Variants in CFAP97 observed in about 807,000 individuals in gnomAD.
CFAP97 encodes the protein cilia- and flagella-associated protein 97.
In CFAP97, 36 loss-of-function variants were observed where a neutral mutation model predicts 43.1. The observed-to-expected ratio is 0.84, with a 90% confidence interval of 0.64 to 1.10. CFAP97 has a LOEUF of 1.10. CFAP97 is among the 50% of genes least tolerant of loss of function. The pLI, the probability that CFAP97 is intolerant of heterozygous loss-of-function variation, is 0.00. For missense variants in CFAP97, 657 were observed against 620.3 expected (o/e 1.06, Z -0.63); for synonymous variants, 228 against 225.7 (o/e 1.01, Z -0.09).
At chr4:185,195,403 T>C (rs1736493041) in intron 1 of CFAP97, among the ~76,000 whole-genome samples, 1 of 152,096 alleles carries the variant, frequency 6.6e-6, no homozygotes, top group African/African-American at 2.4e-5. Context: ...GGATCACCTG[T>C]GCACAGGAGG....
chr4:185,189,102 T>G (rs1736123870), intron 2 of CFAP97, among the ~76,000 whole-genome samples: 1 of 152,042 alleles, frequency 6.6e-6, no homozygotes, highest in Admixed American at 6.6e-5. Flanking sequence ...CCAGGTGTGG[T>G]GGGGCATGAC....
In CFAP97 at chr4:185,191,820, C is replaced by T. The variant is rs754494069; in HGVS notation, c.-16-608G>A. On this transcript the variant is annotated intron_variant, in intron 1 of 4. Coordinates refer to ENST00000458385, the MANE Select transcript of CFAP97 (RefSeq NM_020827.3). The stretch of plus-strand genomic sequence containing the variant: ...ACTCCAGCCTGGCGACAGAGCAAGA[C>T]TCCATCTCAACAACAACAAACAAAA... Among the ~76,000 whole-genome samples, 16 of 152,038 alleles carry T rather than the reference C, an allele frequency of 1.1e-4. No individual in the cohort carries two copies. In the Middle Eastern group the frequency reaches 0.01, roughly 97 times the overall value.
At chr4:185,168,559 C>T (rs902080487) in intron 3 of CFAP97, among the ~76,000 whole-genome samples, 5 of 150,968 alleles carry the variant, frequency 3.3e-5, no homozygotes, top group African/African-American at 1.2e-4. Context: ...TGCTGCATCA[C>T]TGCACTCCAG....
chr4:185,184,372 C>T (rs1735923436), intron 2 of CFAP97, among the ~76,000 whole-genome samples: 1 of 152,206 alleles, frequency 6.6e-6, no homozygotes, highest in Non-Finnish European at 1.5e-5. Flanking sequence ...TCCCATTTCC[C>T]CTACCAACGA....
chr4:185,180,442 G>A (rs549356406), intron 2 of CFAP97, among the ~76,000 whole-genome samples: 13 of 151,994 alleles, frequency 8.6e-5, no homozygotes, highest in South Asian at 2.1e-4. Flanking sequence ...CCTTCCCTTC[G>A]CCTCTGGAAG....
intron 2 of CFAP97, among the ~76,000 whole-genome samples, chr4:185,177,862 A>T (rs1321298181): frequency 4.6e-5 from 7 of 152,106 alleles, no homozygotes; most frequent in Non-Finnish European, 7.4e-5. Context: ...AAATAAATAA[A>T]AAATAAATAA....
At chr4:185,197,872 C>T (rs1364436895) in intron 1 of CFAP97, among the ~76,000 whole-genome samples, 2 of 152,126 alleles carry the variant, frequency 1.3e-5, no homozygotes, top group East Asian at 1.9e-4. Context: ...CCTCTTGCAC[C>T]AGTTAGCCAA....
At chr4:185,207,210 CTTTTTTTTTTTTTTT>C (rs34373262), upstream of CFAP97, among the ~76,000 whole-genome samples, 1 of 76,814 alleles carries the variant, frequency 1.3e-5, no homozygotes, top group Non-Finnish European at 2.4e-5. Flanking sequence ...ACCAGTCACA[CTTTTTTTTTTTTTTT>C]TTTTTTTTTT....
At chr4:185,173,226 G>A (rs1013273938) in intron 3 of CFAP97, among the ~76,000 whole-genome samples, 2 of 151,982 alleles carry the variant, frequency 1.3e-5, no homozygotes, top group Non-Finnish European at 2.9e-5. Flanking sequence ...AGCCAGGCAT[G>A]GTAGCAGGCG....
At chr4:185,178,968 A>G (rs540515361) in intron 2 of CFAP97, among the ~76,000 whole-genome samples, 2 of 152,324 alleles carry the variant, frequency 1.3e-5, no homozygotes, top group Non-Finnish European at 2.9e-5. Context: ...TATTTTACCC[A>G]CAGTAAGAAC....
chr4:185,207,766 G>A (rs1737252052), upstream of CFAP97: 1 of 150,466 alleles, frequency 6.6e-6, no homozygotes, highest in Non-Finnish European at 1.5e-5. Context: ...CTGTGTAGAT[G>A]GAGATAATGG....
At chr4:185,183,125 C>T (rs1021340310) in intron 2 of CFAP97, among the ~76,000 whole-genome samples, 1 of 151,810 alleles carries the variant, frequency 6.6e-6, no homozygotes, top group Non-Finnish European at 1.5e-5. Flanking sequence ...TTCTTTTAAA[C>T]CAATAAAATG....
chr4:185,177,477 C>T (rs1052991029), intron 2 of CFAP97, among the ~76,000 whole-genome samples: 1 of 151,246 alleles, frequency 6.6e-6, no homozygotes, highest in Non-Finnish European at 1.5e-5. Context: ...GTTTGACTAT[C>T]CTTATGTTAA....
chr4:185,206,660 CAA>C (rs375061067), upstream of CFAP97, among the ~76,000 whole-genome samples: 700 of 77,388 alleles, frequency 9.0e-3, 3 homozygotes, highest in African/African-American at 0.033. Flanking sequence ...ACTCTTGTCT[CAA>C]AAAAAAAAAA....
intron 3 of CFAP97, among the ~76,000 whole-genome samples, chr4:185,167,930 C>T (rs1455916195): frequency 1.4e-5 from 2 of 140,158 alleles, no homozygotes; most frequent in East Asian, 2.2e-4. Flanking sequence ...ACCTGGAAGG[C>T]GGAGGTTGCA....
chr4:185,202,901 C>T (rs1380395307), intron 1 of CFAP97, among the ~76,000 whole-genome samples: 2 of 152,014 alleles, frequency 1.3e-5, no homozygotes, highest in Non-Finnish European at 2.9e-5. Context: ...ACATTTACTA[C>T]GAGGTAAGTG....
chr4:185,201,186 C>T (rs1184480859), intron 1 of CFAP97, among the ~76,000 whole-genome samples: 6 of 151,670 alleles, frequency 4.0e-5, no homozygotes, highest in African/African-American at 1.2e-4. Context: ...ATTAGCTGGG[C>T]GTGGTGGCCC....
At chr4:185,203,490 G>A (rs888725109) in intron 1 of CFAP97, among the ~76,000 whole-genome samples, 3 of 152,194 alleles carry the variant, frequency 2.0e-5, no homozygotes, top group African/African-American at 4.8e-5. Context: ...AGGAACGCTA[G>A]GCTCTTGTCT....
intron 1 of CFAP97, among the ~76,000 whole-genome samples, chr4:185,194,310 G>A (rs551495555): frequency 9.2e-5 from 14 of 152,280 alleles, no homozygotes; most frequent in African/African-American, 2.9e-4. Context: ...TCCACATGGC[G>A]AAACTCCTTC....
Sources: allele counts gnomAD v4.1 joint callset (sites outside exome capture counted in the v4.1 genomes callset), GRCh38; gene constraint gnomAD v4.1.1; transcripts MANE v1.5; gene names NCBI Gene and HGNC (gene_info 2026-07-23, HGNC 2026-07-21).